LY6L: variants seen among roughly 807,000 people sequenced by gnomAD.
LY6L encodes lymphocyte antigen 6L.
LY6L carries 8 observed loss-of-function variants against 8.3 expected under a neutral mutation model. The ratio of observed to expected loss-of-function variants is 0.97; its 90% CI spans 0.57 to 1.74. The LOEUF is 1.74. LY6L is among the 40% of genes most tolerant of loss of function. The pLI is 0.00. For synonymous variants in LY6L, 79 were observed against 77.9 expected (o/e 1.01, Z -0.07); for missense variants, 156 against 183.8 (o/e 0.85, Z 0.87).
At chr8:143,081,997 C>T (rs1426797916) in intron 3 of LY6L, among the ~76,000 whole-genome samples, 1 of 152,166 alleles carries the variant, frequency 6.6e-6, no homozygotes, top group African/African-American at 2.4e-5. Flanking sequence ...TTTAAGTGAG[C>T]AGTACAGAGA....
chr8:143,082,355 A>C (rs1820445367), intron 3 of LY6L, 70 bp from the exon 4 acceptor site: 4 of 1,143,586 alleles, frequency 3.5e-6, no homozygotes, highest in Non-Finnish European at 3.7e-6. Flanking sequence ...GCATCCTTGC[A>C]CTTTCCGCAT....
chr8:143,080,789 G>A, intron 1 of LY6L, 130 bp downstream of exon 1: 3 of 471,174 alleles, frequency 6.4e-6, no homozygotes, highest in Admixed American at 3.7e-5. Context: ...GAGGGAATGC[G>A]GGGAAGGGAG....
At chr8:143,081,433 G>A (rs756811957) in intron 3 of LY6L, 106 bp downstream of exon 3, 291 of 686,054 alleles carry the variant, frequency 4.2e-4, no homozygotes, top group Middle Eastern at 8.1e-4. Context: ...AGGGCCTGGG[G>A]CCCTGTGGGT....
rs1410790498 is a variant in LY6L, at chr8:143,082,872, TCCTGGGGAAGGACAGTG to T, written c.*225_*241del. ...ACCCCAAGGATTCAGCAACTGCTCCTCCTGGGGAAGGACAGTGCCTCTGATGTGGGTGATGGGAAGGA... is the reference window on the plus strand; with the variant it reads ...ACCCCAAGGATTCAGCAACTGCTCCTCCTCTGATGTGGGTGATGGGAAGGA... On this transcript the variant is annotated 3_prime_UTR_variant, in exon 4 of 4. Transcript: ENST00000562505. 2.0e-6 allele frequency: 1 copy of T among 512,354 alleles called. No homozygotes were observed. Among genetic ancestry groups the T allele is most frequent in the African/African-American group, 1.9e-5 (1 of 51,954 alleles). The allele number at this position is 512,354 out of a possible 1,614,324, so 31.7% of individuals were successfully genotyped here.
chr8:143,081,384 C>A, intron 3 of LY6L, 57 bp downstream of exon 3: 1 of 1,170,952 alleles, frequency 8.5e-7, no homozygotes, highest in Non-Finnish European at 1.2e-6. Context: ...GCCGGTGCCC[C>A]CGCCTCTCAG....
intron 1 of LY6L, 112 bp from the exon 2 acceptor site, chr8:143,080,924 G>T (rs1277644930): frequency 6.8e-6 from 5 of 736,888 alleles, no homozygotes; most frequent in Non-Finnish European, 1.1e-5. Flanking sequence ...AGCGCAGGAG[G>T]CTAGTGTGGG....
Position 143,082,689 on chromosome 8 carries a change from C to A in LY6L, c.*38C>A. The A allele has an allele frequency of 7.1e-7, 1 of 1,402,120 alleles. No individual in the cohort carries two copies. Among genetic ancestry groups the A allele is most frequent in the Non-Finnish European group, 9.4e-7 (1 of 1,068,442 alleles). The allele number at this position is 1,402,120 out of a possible 1,614,324, so 86.9% of individuals were successfully genotyped here. A position where few individuals can be genotyped will look rare whatever the true frequency, so the allele number is the denominator to read the frequency against. ...TACGCCCCCTCCTGGCCCTGCTGGC[C>A]CATCCCGTCTCCTGCCTCCAACTGC... On this transcript the variant is annotated 3_prime_UTR_variant, in exon 4 of 4. Coordinates refer to ENST00000562505, the MANE Select transcript of LY6L (RefSeq NM_001368160.2).
Position 143,082,977 on chromosome 8 carries a change from G to C in LY6L, c.*326G>C, listed in dbSNP as rs1009215495. 5.8e-5 allele frequency: 17 copies of C among 293,180 alleles called. No homozygotes were observed. The highest frequency in any genetic ancestry group is 1.1e-4 in the Admixed American group (2 of 18,614). The allele number at this position is 293,180 out of a possible 1,614,324, so 18.2% of individuals were successfully genotyped here. ...TCTGGTGTGGGTGATGGGAAGGACG[G>C]TGCCTCTGGTGTGGGTGATGGGATG... is the stretch of plus-strand genomic sequence containing the variant. On this transcript the variant is annotated 3_prime_UTR_variant, in exon 4 of 4. Coordinates refer to ENST00000562505, the MANE Select transcript of LY6L (RefSeq NM_001368160.2).
At chr8:143,081,834 G>GCAACA (rs150637659) in intron 3 of LY6L, among the ~76,000 whole-genome samples, 2,491 of 152,260 alleles carry the variant, frequency 0.016, 46 homozygotes, top group East Asian at 0.065. Context: ...AAAATAGAAT[G>GCAACA]CAACACAACA....
At chr8:143,082,364 A>T in intron 3 of LY6L, 61 bp from the exon 4 acceptor site, 1 of 1,250,136 alleles carries the variant, frequency 8.0e-7, no homozygotes, top group Non-Finnish European at 1.1e-6. Flanking sequence ...CACTTTCCGC[A>T]TAACTGTGGA....
chr8:143,081,128 T>C lies in LY6L; in HGVS notation c.73+2T>C. Reference sequence around the variant, plus strand: ...CTGCTGGCTGCGCCACGACGCCAGGTAAGGCGCGGCCCGGGCTGGGCTGGG... The same window carrying C: ...CTGCTGGCTGCGCCACGACGCCAGGCAAGGCGCGGCCCGGGCTGGGCTGGG... On this transcript the variant is annotated splice_donor_variant, in intron 2 of 3. Coordinates refer to ENST00000562505, the MANE Select transcript of LY6L (RefSeq NM_001368160.2). LOFTEE classifies it high-confidence loss of function. 1 of 1,534,308 alleles carries C rather than the reference T, an allele frequency of 6.5e-7. No homozygotes were observed. The highest frequency in any genetic ancestry group is 1.2e-5 in the South Asian group (1 of 83,960).
At position 143,081,231 on chromosome 8, in the gene LY6L, C is replaced by T; in HGVS notation, c.94C>T (p.Gln32Ter). ...TTPARNLSCY[Q>*]CFKVSSWTEC... ...CACAGCTCGCAACCTGAGCTGCTAC[C>T]AGTGCTTCAAGGTCAGCAGCTGGAC... Residue 32 changes from glutamine to a stop codon, truncating the protein, a stop_gained, in exon 3 of 4, where the codon CAG becomes TAG. Coordinates refer to ENST00000562505, the MANE Select transcript of LY6L (RefSeq NM_001368160.2). LOFTEE classifies it high-confidence loss of function. The T allele has an allele frequency of 4.6e-6, 7 of 1,532,986 alleles. No individual in the cohort carries two copies. Among genetic ancestry groups the T allele is most frequent in the Non-Finnish European group, 6.1e-6 (7 of 1,145,082 alleles). 95.0% of individuals were successfully genotyped at this position (1,532,986 alleles called of 1,614,324 possible).
chr8:143,081,026 C>G lies in LY6L; in HGVS notation c.-18-10C>G. The G allele has an allele frequency of 6.6e-7, 1 of 1,520,502 alleles. No individual in the cohort carries two copies. Among genetic ancestry groups the G allele is most frequent in the Non-Finnish European group, 8.8e-7 (1 of 1,134,428 alleles). The allele number at this position is 1,520,502 out of a possible 1,614,324, so 94.2% of individuals were successfully genotyped here. A position where few individuals can be genotyped will look rare whatever the true frequency, so the allele number is the denominator to read the frequency against. On this transcript the variant is annotated splice_polypyrimidine_tract_variant and intron_variant, in intron 1 of 3. Coordinates refer to ENST00000562505, the MANE Select transcript of LY6L (RefSeq NM_001368160.2). ...GAAGCCTCCCGCAACACCCACCTCACCCCACTCAGGCTGAGCCTTCTGGCG... is the reference window on the plus strand; with the variant it reads ...GAAGCCTCCCGCAACACCCACCTCAGCCCACTCAGGCTGAGCCTTCTGGCG...
In LY6L at chr8:143,082,742, C is replaced by T. The variant is rs1820453902; in HGVS notation, c.*91C>T. 9.4e-7 allele frequency: 1 copy of T among 1,068,192 alleles called. No individual in the cohort carries two copies. 66.2% of individuals were successfully genotyped at this position (1,068,192 alleles called of 1,614,324 possible). A position where few individuals can be genotyped will look rare whatever the true frequency, so the allele number is the denominator to read the frequency against. On this transcript the variant is annotated 3_prime_UTR_variant, in exon 4 of 4. Transcript: ENST00000562505. ...TCCTGCCTCCGCCCCTTCCAGGACA[C>T]TGGGGGGGGACCCTCCCTCTCTGAG...
In LY6L at chr8:143,082,632, TC is replaced by T. The variant is rs1391817181; in HGVS notation, c.400del (p.Leu134SerfsTer44). 1.9e-5 allele frequency: 29 copies of T among 1,509,806 alleles called. No homozygotes were observed. The East Asian group carries it at 6.9e-4, about 36-fold the overall frequency. 93.5% of individuals were successfully genotyped at this position (1,509,806 alleles called of 1,614,324 possible). ...GGLLLQVGLS[L>X]LRALL The stretch of plus-strand genomic sequence containing the variant: ...CTCCTGCTCCAGGTGGGCCTCAGCC[TC>T]CTCAGGGCCCTGTTGTGAGGGCCCT... On this transcript the variant is annotated frameshift_variant, in exon 4 of 4. Coordinates refer to ENST00000562505, the MANE Select transcript of LY6L (RefSeq NM_001368160.2). LOFTEE classifies it high-confidence loss of function.
chr8:143,080,971 G>A (rs1820417906), intron 1 of LY6L, 65 bp from the exon 2 acceptor site: 3 of 1,212,726 alleles, frequency 2.5e-6, no homozygotes, highest in Non-Finnish European at 2.3e-6. Flanking sequence ...CCGTCCGGGA[G>A]CAGGAAGCTG....
rs148672868 is a variant in LY6L, at chr8:143,081,603, G to T, written c.190+276G>T. On this transcript the variant is annotated intron_variant, in intron 3 of 3. Transcript: ENST00000562505. ...ATTTACAAAGACAGCAGGAACACAC[G>T]GGTGGGGATGGGCAGCTGTTCGAGG... is the stretch of plus-strand genomic sequence containing the variant. 3.0e-3 allele frequency among the ~76,000 whole-genome samples: 458 copies of T among 152,338 alleles called. 2 individuals carry two copies. The highest frequency in any genetic ancestry group is 0.011 in the African/African-American group (437 of 41,586).
intron 2 of LY6L, 22 bp downstream of exon 2, chr8:143,081,148 G>A (rs1305452599): frequency 8.5e-6 from 13 of 1,533,008 alleles, no homozygotes; most frequent in African/African-American, 1.4e-5. Flanking sequence ...CCCGGGCTGG[G>A]CTGGGGGCGT....
In LY6L at chr8:143,082,413, T is replaced by C. The variant is rs1563928572; in HGVS notation, c.191-12T>C. The stretch of plus-strand genomic sequence containing the variant: ...GGGCTCTGGGGCCACCTGCCTCTCC[T>C]CTTTTCTGCAGAATGGAGTGTACGC... On this transcript the variant is annotated splice_polypyrimidine_tract_variant and intron_variant, in intron 3 of 3. Coordinates refer to ENST00000562505, the MANE Select transcript of LY6L (RefSeq NM_001368160.2). The C allele has an allele frequency of 6.6e-7, 1 of 1,521,186 alleles. No individual in the cohort carries two copies. The highest frequency in any genetic ancestry group is 8.8e-7 in the Non-Finnish European group (1 of 1,134,858). The allele number at this position is 1,521,186 out of a possible 1,614,324, so 94.2% of individuals were successfully genotyped here.
Sources: allele counts gnomAD v4.1 joint callset (sites outside exome capture counted in the v4.1 genomes callset), GRCh38; gene constraint gnomAD v4.1.1; transcripts MANE v1.5; gene names NCBI Gene and HGNC (gene_info 2026-07-23, HGNC 2026-07-21).